Variants in ZNF710 observed in about 807,000 individuals in gnomAD.
ZNF710 encodes zinc finger protein 710.
Under a neutral mutation model 50.6 loss-of-function variants are expected in ZNF710, and 13 were observed. That is an observed-to-expected ratio of 0.26 (90% CI 0.17 to 0.41). The LOEUF is 0.41. ZNF710 is among the 10% of genes least tolerant of loss of function. The pLI is 1.00. For missense variants in ZNF710, 721 were observed against 936.6 expected (o/e 0.77, Z 3.01); for synonymous variants, 383 against 397.0 (o/e 0.96, Z 0.42).
At chr15:90,013,163 A>G (rs1898359969) in intron 1 of ZNF710, among the ~76,000 whole-genome samples, 1 of 152,120 alleles carries the variant, frequency 6.6e-6, no homozygotes, top group South Asian at 2.1e-4. Context: ...CAGTGGCACA[A>G]TCTCGGCTTG....
chr15:90,073,466 T>C (rs2151536424), intron 3 of ZNF710, among the ~76,000 whole-genome samples: 1 of 152,246 alleles, frequency 6.6e-6, no homozygotes, highest in East Asian at 1.9e-4. Flanking sequence ...GTTGGGTTTT[T>C]CTGAGAGCTG....
chr15:90,010,690 AT>A (rs558977846), intron 1 of ZNF710, among the ~76,000 whole-genome samples: 2 of 151,914 alleles, frequency 1.3e-5, no homozygotes, highest in Admixed American at 6.6e-5. Flanking sequence ...TGATTGAAAG[AT>A]TTTTTTCTTT....
chr15:90,038,086 G>A (rs927418766), intron 1 of ZNF710, among the ~76,000 whole-genome samples: 1 of 152,208 alleles, frequency 6.6e-6, no homozygotes, highest in Admixed American at 6.5e-5. Flanking sequence ...TGGGCTGGGT[G>A]GGTCTGTGGA....
At chr15:90,077,484 T>C (rs894771425) in intron 4 of ZNF710, among the ~76,000 whole-genome samples, 1 of 152,082 alleles carries the variant, frequency 6.6e-6, no homozygotes, top group African/African-American at 2.4e-5. Context: ...GACCTCATGA[T>C]CTGCCTGCCT....
At chr15:90,003,677 G>C (rs985875308) in intron 1 of ZNF710, among the ~76,000 whole-genome samples, 1 of 152,178 alleles carries the variant, frequency 6.6e-6, no homozygotes, top group Non-Finnish European at 1.5e-5. Context: ...TGAAAACCTA[G>C]AGTGGCCATT....
At chr15:90,010,424 G>T (rs1889138427) in intron 1 of ZNF710, among the ~76,000 whole-genome samples, 1 of 152,070 alleles carries the variant, frequency 6.6e-6, no homozygotes, top group African/African-American at 2.4e-5. Flanking sequence ...AAGTAGCTGG[G>T]ACCACAGGCA....
chr15:89,999,545 A>G (rs1006334835), upstream of ZNF710, among the ~76,000 whole-genome samples: 4 of 152,118 alleles, frequency 2.6e-5, no homozygotes, highest in Non-Finnish European at 4.4e-5. Context: ...ATGTTAAAAG[A>G]CCATGGTGTC....
chr15:90,024,453 C>G (rs1898713197), intron 1 of ZNF710, among the ~76,000 whole-genome samples: 1 of 152,140 alleles, frequency 6.6e-6, no homozygotes, highest in African/African-American at 2.4e-5. Flanking sequence ...CCCATCTGGT[C>G]CAGAGGATTC....
intron 1 of ZNF710, among the ~76,000 whole-genome samples, chr15:90,063,356 C>T (rs752705134): frequency 6.6e-6 from 1 of 152,090 alleles, no homozygotes; most frequent in Non-Finnish European, 1.5e-5. Flanking sequence ...AGGTGGGGAG[C>T]GCACTACCCC....
At chr15:90,008,147 A>T (rs75248733) in intron 1 of ZNF710, among the ~76,000 whole-genome samples, 1 of 152,082 alleles carries the variant, frequency 6.6e-6, no homozygotes, top group East Asian at 1.9e-4. Context: ...AGCCAAATAT[A>T]TGTTGAATCA....
chr15:90,033,602 CA>C (rs1899012795), intron 1 of ZNF710, among the ~76,000 whole-genome samples: 1 of 152,146 alleles, frequency 6.6e-6, no homozygotes, highest in Non-Finnish European at 1.5e-5. Flanking sequence ...GGCTGGAGTG[CA>C]GTGTCTGTTC....
At chr15:90,005,827 C>A (rs1220537165) in intron 1 of ZNF710, among the ~76,000 whole-genome samples, 1 of 152,224 alleles carries the variant, frequency 6.6e-6, no homozygotes, top group African/African-American at 2.4e-5. Context: ...AATTATGCTA[C>A]GTGCTTTGTG....
At chr15:90,074,425 G>C (rs567153593) in intron 4 of ZNF710, 135 bp downstream of exon 4, 2 of 1,546,026 alleles carry the variant, frequency 1.3e-6, no homozygotes, top group Non-Finnish European at 8.7e-7. Context: ...GGTCTGGAAG[G>C]GGGGTACCCT....
In ZNF710 at chr15:90,027,891, C is replaced by T. The variant is rs568732448; in HGVS notation, c.-29+26277C>T. Among the ~76,000 whole-genome samples the T allele has an allele frequency of 4.0e-5, 6 of 150,290 alleles. No individual in the cohort carries two copies. In the East Asian group the frequency reaches 9.7e-4, roughly 24 times the overall value. Reference sequence around the variant, plus strand: ...TAAATTTGAAGACAATATGCACAGACGATATAATTAGCAAACAAATGCCCG... The same window carrying T: ...TAAATTTGAAGACAATATGCACAGATGATATAATTAGCAAACAAATGCCCG... On this transcript the variant is annotated intron_variant, in intron 1 of 4. Transcript: ENST00000268154.
rs565373301 is a variant in ZNF710 at position 90,080,786 on chromosome 15, C to T, written c.*957C>T. On this transcript the variant is annotated 3_prime_UTR_variant, in exon 5 of 5. Coordinates refer to ENST00000268154, the MANE Select transcript of ZNF710 (RefSeq NM_198526.4). ...GTCAGCAGCTTCCCGGAAAGAGCAA[C>T]GTATTTTAAAAAGGAAAGTAAAGCC... 5.5e-4 allele frequency: 84 copies of T among 152,230 alleles called. No individual in the cohort carries two copies. Among genetic ancestry groups the T allele is most frequent in the African/African-American group, 1.9e-3 (77 of 41,540 alleles). 9.4% of individuals were successfully genotyped at this position (152,230 alleles called of 1,614,324 possible).
At chr15:90,035,631 G>A (rs74650153) in intron 1 of ZNF710, among the ~76,000 whole-genome samples, 3,308 of 152,314 alleles carry the variant, frequency 0.022, 135 homozygotes, top group African/African-American at 0.075. Context: ...CTCTAGCTGG[G>A]GCGGGAAGCC....
At chr15:90,007,858 TAGAA>T (rs1898178836) in intron 1 of ZNF710, among the ~76,000 whole-genome samples, 1 of 151,700 alleles carries the variant, frequency 6.6e-6, no homozygotes, top group East Asian at 1.9e-4. Context: ...ATGTAAAACA[TAGAA>T]AGCATTTTCC....
intron 1 of ZNF710, among the ~76,000 whole-genome samples, chr15:90,037,613 C>A (rs543831899): frequency 6.6e-6 from 1 of 152,318 alleles, no homozygotes; most frequent in East Asian, 1.9e-4. Context: ...TTGGACACCA[C>A]CAGCTAGGAT....
At chr15:90,058,711 A>ATG (rs1032509406) in intron 1 of ZNF710, among the ~76,000 whole-genome samples, 1 of 146,220 alleles carries the variant, frequency 6.8e-6, no homozygotes, top group African/African-American at 2.8e-5. Context: ...TTATATATAT[A>ATG]TATATATACA....
Sources: gnomAD v4.1 joint callset for allele counts (sites outside exome capture counted in the v4.1 genomes callset) on GRCh38, gnomAD v4.1.1 for gene constraint, MANE v1.5 for transcripts, NCBI Gene and HGNC (gene_info 2026-07-23, HGNC 2026-07-21) for gene names.